ENTPD5: variants seen among roughly 807,000 people sequenced by gnomAD.
The protein encoded by ENTPD5 is nucleoside diphosphate phosphatase ENTPD5.
Under a neutral mutation model 60.2 loss-of-function variants are expected in ENTPD5, and 49 were observed. That is an observed-to-expected ratio of 0.81 (90% CI 0.65 to 1.03). The LOEUF (loss-of-function observed/expected upper bound fraction) is 1.03, where lower values mean the gene tolerates loss of function less well. Among genes scored for constraint, ENTPD5 ranks in the 50% least tolerant of loss-of-function variants. The pLI, the probability that ENTPD5 is intolerant of heterozygous loss-of-function variation, is 0.00. For missense variants in ENTPD5, 480 were observed against 507.6 expected (o/e 0.95, Z 0.52); for synonymous variants, 187 against 185.4 (o/e 1.01, Z -0.07).
chr14:74,010,345 G>A (rs1043311864), intron 3 of ENTPD5, among the ~76,000 whole-genome samples: 1 of 152,034 alleles, frequency 6.6e-6, no homozygotes, highest in African/African-American at 2.4e-5. Flanking sequence ...ACCTGAGGTC[G>A]GGAGTTTGAG....
chr14:73,974,848 T>A, intron 11 of ENTPD5, 76 bp downstream of exon 11: 1 of 1,190,898 alleles, frequency 8.4e-7, no homozygotes, highest in Non-Finnish European at 1.2e-6. Context: ...AGAATGGCTA[T>A]CAAGGAAGGG....
At chr14:73,982,097 T>C (rs965195702) in intron 6 of ENTPD5, among the ~76,000 whole-genome samples, 1 of 152,194 alleles carries the variant, frequency 6.6e-6, no homozygotes, top group Non-Finnish European at 1.5e-5. Context: ...TTTTTTGAGA[T>C]GCAGTCTCGC....
rs572647087 is a variant in ENTPD5, at chr14:74,018,075, G to A, written c.-238+1175C>T. 2.0e-5 allele frequency among the ~76,000 whole-genome samples: 3 copies of A among 152,020 alleles called. No homozygotes were observed. In the South Asian group the frequency reaches 6.2e-4, roughly 32 times the overall value. ...CATGCACCTGTAGTCCCACTTACTGGGGAGGCTGAGGCAGGAGAATCGCTT... is the reference window on the plus strand; with the variant it reads ...CATGCACCTGTAGTCCCACTTACTGAGGAGGCTGAGGCAGGAGAATCGCTT... On this transcript the variant is annotated intron_variant, in intron 1 of 15. Transcript: ENST00000334696.
downstream of ENTPD5, chr14:73,955,942 C>G (rs762957015): frequency 3.7e-6 from 6 of 1,613,930 alleles, no homozygotes; most frequent in East Asian, 1.3e-4. Flanking sequence ...AGGCCCCCAT[C>G]TTCCACCTTG....
chr14:73,963,130 G>A, downstream of ENTPD5: 1 of 826,822 alleles, frequency 1.2e-6, no homozygotes, highest in South Asian at 1.4e-5. Context: ...TTTCTTCTTT[G>A]CTTAATGGGC....
chr14:74,018,179 GAA>G (rs35872561), intron 1 of ENTPD5, among the ~76,000 whole-genome samples: 2 of 122,674 alleles, frequency 1.6e-5, no homozygotes. Context: ...CTCTCTCTCA[GAA>G]AAAAAAAAAA....
intron 13 of ENTPD5, among the ~76,000 whole-genome samples, chr14:73,972,601 G>A (rs925902737): frequency 6.6e-6 from 1 of 152,008 alleles, no homozygotes; most frequent in Admixed American, 6.6e-5. Context: ...GGATTCATGG[G>A]TGTATACATG....
chr14:74,016,129 C>T (rs1167309656), intron 1 of ENTPD5, among the ~76,000 whole-genome samples, 199 bp from the exon 2 acceptor site: 4 of 152,206 alleles, frequency 2.6e-5, no homozygotes, highest in Non-Finnish European at 5.9e-5. Context: ...CAACTTCCTA[C>T]TCTACTATCT....
intron 3 of ENTPD5, chr14:74,009,198 GA>G (rs1236792150): frequency 6.6e-6 from 1 of 152,298 alleles, no homozygotes; most frequent in Admixed American, 6.5e-5. Flanking sequence ...AAGTCCTTTA[GA>G]TAAGAAGATA....
downstream of ENTPD5, chr14:73,958,200 C>G: frequency 6.2e-7 from 1 of 1,614,086 alleles, no homozygotes; most frequent in Non-Finnish European, 8.5e-7. Context: ...CTGGCCTTGT[C>G]CATTTCCTAT....
At chr14:74,008,400 T>C (rs1282112054) in intron 3 of ENTPD5, among the ~76,000 whole-genome samples, 1 of 150,940 alleles carries the variant, frequency 6.6e-6, no homozygotes, top group Non-Finnish European at 1.5e-5. Context: ...TTTCTTTTTT[T>C]TTTTTTGAGA....
chr14:73,959,673 G>A (rs944081551), downstream of ENTPD5: 3 of 1,407,620 alleles, frequency 2.1e-6, no homozygotes, highest in African/African-American at 1.4e-5. Context: ...GGGTTCAAGC[G>A]ATTCTCCTGC....
In ENTPD5 at chr14:74,006,634, C is replaced by G. The variant is rs531302408; in HGVS notation, c.-71+4457G>C. ...GATGTCTTGCTTTATCACCTAGGCT[C>G]AAGTGCAGTGGTGCAGACACAGCTC... On this transcript the variant is annotated intron_variant, in intron 3 of 15. Transcript: ENST00000334696. Among the ~76,000 whole-genome samples the G allele has an allele frequency of 8.7e-5, 13 of 150,220 alleles. No individual in the cohort carries two copies. In the South Asian group the frequency reaches 2.8e-3, roughly 32 times the overall value.
At chr14:73,960,589 A>G, downstream of ENTPD5, 2 of 1,037,054 alleles carry the variant, frequency 1.9e-6, no homozygotes, top group Non-Finnish European at 2.3e-6. Flanking sequence ...TCTGCAGTGC[A>G]GTCATTCACC....
downstream of ENTPD5, chr14:73,963,000 G>A (rs546731353): frequency 2.1e-5 from 34 of 1,606,986 alleles, no homozygotes; most frequent in South Asian, 3.1e-4. Context: ...AAGCAAATGA[G>A]TACTCCTCTC....
chr14:73,972,038 C>A lies in ENTPD5; in HGVS notation c.1028-130G>T. On this transcript the variant is annotated intron_variant, in intron 13 of 15. Transcript: ENST00000334696. ...GCAACCTAATTTACTTATTTACAAT[C>A]TATTCCATGTTATGTATATTTAACC... is the stretch of plus-strand genomic sequence containing the variant. 3 of 682,600 alleles carry A rather than the reference C, an allele frequency of 4.4e-6. No individual in the cohort carries two copies. In the Admixed American group the frequency reaches 6.9e-5, roughly 16 times the overall value. The allele number at this position is 682,600 out of a possible 1,614,324, so 42.3% of individuals were successfully genotyped here. A position where few individuals can be genotyped will look rare whatever the true frequency, so the allele number is the denominator to read the frequency against.
intron 13 of ENTPD5, 130 bp downstream of exon 13, chr14:73,972,754 T>C: frequency 9.2e-7 from 1 of 1,083,480 alleles, no homozygotes; most frequent in Non-Finnish European, 1.3e-6. Context: ...TTCCACCCTT[T>C]TGTTCGAGTG....
intron 14 of ENTPD5, among the ~76,000 whole-genome samples, chr14:73,970,491 C>CA (rs914846885): frequency 3.4e-4 from 49 of 143,734 alleles, no homozygotes; most frequent in East Asian, 2.4e-3. Context: ...GACTCTGTCT[C>CA]AAAAAAAAAA....
chr14:73,984,363 C>T (rs2140597736), intron 5 of ENTPD5, among the ~76,000 whole-genome samples: 1 of 152,278 alleles, frequency 6.6e-6, no homozygotes, highest in South Asian at 2.1e-4. Flanking sequence ...TGCCTACCAC[C>T]ACTAAACTGT....
Sources: gnomAD v4.1 joint callset for allele counts (sites outside exome capture counted in the v4.1 genomes callset) on GRCh38, gnomAD v4.1.1 for gene constraint, MANE v1.5 for transcripts, NCBI Gene and HGNC (gene_info 2026-07-23, HGNC 2026-07-21) for gene names.